MRAP2: variants seen among roughly 807,000 people sequenced by gnomAD.
The protein encoded by MRAP2 is melanocortin-2 receptor accessory protein 2.
A neutral mutation model predicts 17.4 loss-of-function variants in MRAP2; 20 were observed. That is an observed-to-expected ratio of 1.15 (90% CI 0.81 to 1.67). The LOEUF is 1.67. Ranked by LOEUF, MRAP2 falls within the 40% of genes most tolerant of loss-of-function variation. The pLI is 0.00. For synonymous variants in MRAP2, 96 were observed against 88.4 expected, an observed-to-expected ratio of 1.09 and a Z score of -0.48; for missense variants, 238 against 240.0, an observed-to-expected ratio of 0.99 and a Z score of 0.05.
rs1265727178 is a variant in MRAP2, at chr6:84,089,490, C to T, written c.*9C>T. On this transcript the variant is annotated 3_prime_UTR_variant, in exon 4 of 4. Transcript: ENST00000257776. ...ACAAAGACCTGGATTGAGAAACATG[C>T]TCTGTAAAGGGTCTTCCTGAAGATG... 8 of 1,608,182 alleles carry T rather than the reference C, an allele frequency of 5.0e-6. No homozygotes were observed. In the East Asian group the frequency reaches 1.6e-4, roughly 31 times the overall value.
intron 1 of MRAP2, among the ~76,000 whole-genome samples, chr6:84,050,984 C>T (rs916147800): frequency 6.6e-6 from 1 of 152,146 alleles, no homozygotes. Flanking sequence ...GGGGCATGCT[C>T]ATTTTTCAGG....
At chr6:84,128,059 G>C in the MRAP2 span, among the ~76,000 whole-genome samples, 1 of 152,174 alleles carries the variant, frequency 6.6e-6, no homozygotes, top group Non-Finnish European at 1.5e-5. Flanking sequence ...CTTCATAAGA[G>C]CAAAGATTTT....
the MRAP2 span, among the ~76,000 whole-genome samples, chr6:84,098,969 A>AT: frequency 2.6e-5 from 4 of 152,088 alleles, no homozygotes; most frequent in East Asian, 3.9e-4. Flanking sequence ...CTAATCCATA[A>AT]TTTTTTTAAT....
At chr6:84,085,196 A>G (rs2099500105) in intron 3 of MRAP2, among the ~76,000 whole-genome samples, 1 of 151,516 alleles carries the variant, frequency 6.6e-6, no homozygotes, top group Non-Finnish European at 1.5e-5. Flanking sequence ...CTGGGACTAC[A>G]GGCACCCGCC....
intron 2 of MRAP2, 97 bp downstream of exon 2, chr6:84,055,542 T>C: frequency 7.9e-7 from 1 of 1,269,788 alleles, no homozygotes; most frequent in Non-Finnish European, 1.1e-6. Flanking sequence ...CTTTCTTCTT[T>C]ACAGAACTCT....
the MRAP2 span, among the ~76,000 whole-genome samples, chr6:84,129,350 T>G: frequency 3.3e-5 from 5 of 151,896 alleles, no homozygotes; most frequent in South Asian, 1.0e-3. Context: ...CTCTCCAGCA[T>G]CTGTTTCCTG....
At chr6:84,112,301 G>A in the MRAP2 span, among the ~76,000 whole-genome samples, 1 of 152,180 alleles carries the variant, frequency 6.6e-6, no homozygotes, top group Non-Finnish European at 1.5e-5. Context: ...GGTCTATTCA[G>A]GGATTTGACT....
chr6:84,046,780 CA>C (rs756963425), intron 1 of MRAP2, among the ~76,000 whole-genome samples: 1,425 of 23,120 alleles, frequency 0.062, 13 homozygotes, highest in African/African-American at 0.17. Flanking sequence ...AACTCCATCT[CA>C]AAAAAAAAAA....
rs375007969 is a variant in MRAP2, at chr6:84,090,216, G to C, written c.*735G>C. ...ACAGTATAAACTAGGGTACTGCCTC[G>C]TATCTCTTGTAGGCTCTCTCAAATC... is the stretch of plus-strand genomic sequence containing the variant. On this transcript the variant is annotated 3_prime_UTR_variant, in exon 4 of 4. Coordinates refer to ENST00000257776, the MANE Select transcript of MRAP2 (RefSeq NM_138409.4). 1 of 152,140 alleles carries C rather than the reference G, an allele frequency of 6.6e-6. No homozygotes were observed. The highest frequency in any genetic ancestry group is 1.9e-4 in the East Asian group (1 of 5,186). 9.4% of individuals were successfully genotyped at this position (152,140 alleles called of 1,614,324 possible). A position where few individuals can be genotyped will look rare whatever the true frequency, so the allele number is the denominator to read the frequency against.
intron 2 of MRAP2, among the ~76,000 whole-genome samples, chr6:84,059,884 C>T (rs557995595): frequency 2.6e-5 from 4 of 152,136 alleles, no homozygotes; most frequent in East Asian, 1.9e-4. Context: ...GGGAAGACAA[C>T]GGGCTCCACT....
At chr6:84,126,534 A>T in the MRAP2 span, 7 of 1,462,522 alleles carry the variant, frequency 4.8e-6, no homozygotes, top group Non-Finnish European at 6.4e-6. Context: ...ATATGAAGCA[A>T]ATGAAAAACT....
At chr6:84,050,471 C>G (rs1382993293) in intron 1 of MRAP2, among the ~76,000 whole-genome samples, 2 of 152,136 alleles carry the variant, frequency 1.3e-5, no homozygotes, top group Non-Finnish European at 2.9e-5. Flanking sequence ...TGGCCCTACC[C>G]TAGGCACGAG....
At chr6:84,074,276 T>C (rs1021954552) in intron 3 of MRAP2, among the ~76,000 whole-genome samples, 2 of 152,196 alleles carry the variant, frequency 1.3e-5, no homozygotes, top group East Asian at 3.8e-4. Context: ...AGGTAGAGAA[T>C]CCTGGTGATG....
At chr6:84,041,459 G>A (rs2099487554) in intron 1 of MRAP2, among the ~76,000 whole-genome samples, 1 of 152,224 alleles carries the variant, frequency 6.6e-6, no homozygotes, top group African/African-American at 2.4e-5. Context: ...CTGTCCTCCA[G>A]TCGCCAGAAT....
chr6:84,062,846 T>G (rs778445026), intron 2 of MRAP2, 47 bp from the exon 3 acceptor site: 48 of 1,612,228 alleles, frequency 3.0e-5, no homozygotes, highest in Non-Finnish European at 3.9e-5. Context: ...AATGTTCAAG[T>G]TTTAAACTAC....
chr6:84,062,665 T>C (rs2099493475), intron 2 of MRAP2: 2 of 985,320 alleles, frequency 2.0e-6, no homozygotes, highest in Admixed American at 1.2e-4. Context: ...CATGAGTCAA[T>C]GAGGCCTAAA....
intron 1 of MRAP2, among the ~76,000 whole-genome samples, chr6:84,038,154 G>A (rs1265700998): frequency 6.6e-6 from 1 of 152,256 alleles, no homozygotes; most frequent in African/African-American, 2.4e-5. Context: ...GGGAGGAAGG[G>A]CTGGCCTAAG....
the MRAP2 span, among the ~76,000 whole-genome samples, chr6:84,109,406 C>G: frequency 3.3e-5 from 5 of 151,738 alleles, no homozygotes; most frequent in Non-Finnish European, 7.4e-5. Context: ...TTAGCTATTC[C>G]TAGGTATTTT....
At chr6:84,131,126 T>C in the MRAP2 span, among the ~76,000 whole-genome samples, 3,385 of 152,302 alleles carry the variant, frequency 0.022, 126 homozygotes, top group African/African-American at 0.076. Flanking sequence ...CAGTAGTCCT[T>C]CAGGAGCAGT....
Sources: allele counts gnomAD v4.1 joint callset (sites outside exome capture counted in the v4.1 genomes callset), GRCh38; gene constraint gnomAD v4.1.1; transcripts MANE v1.5; gene names NCBI Gene and HGNC (gene_info 2026-07-23, HGNC 2026-07-21).